The following ANO5 variants were observed in gnomAD, a reference collection of about 807,000 sequenced individuals.
The protein encoded by ANO5 is anoctamin-5.
A neutral mutation model predicts 121.0 loss-of-function variants in ANO5; 109 were observed. The ratio of observed to expected loss-of-function variants is 0.90; its 90% CI spans 0.77 to 1.06. The LOEUF (loss-of-function observed/expected upper bound fraction) is 1.06. ANO5 is among the 50% of genes least tolerant of loss of function. The pLI, the probability that ANO5 is intolerant of heterozygous loss-of-function variation, is 0.00. For missense variants in ANO5, 1,064 were observed against 1,078.5 expected (o/e 0.99, Z 0.19); for synonymous variants, 406 against 359.9 (o/e 1.13, Z -1.45).
In ANO5 at chr11:22,272,898, A is replaced by T. The variant is rs886043450; in HGVS notation, c.2144A>T (p.Gln715Leu). The change falls in exon 19 of 22, where the codon CAA becomes CTA. Residue 715 changes from glutamine to leucine, a missense_variant. Physicochemically the swap from Gln to Leu is moderately radical, Grantham distance 113. Transcript: ENST00000324559. ...IRVDAWKLTT[Q>L]YRRTVASKAH... ...GTGGATGCCTGGAAACTTACCACTC[A>T]ATACAGGAGAACTGTAGCTTCTAAA... is the stretch of plus-strand genomic sequence containing the variant. 1 of 1,614,128 alleles carries T rather than the reference A, an allele frequency of 6.2e-7. No homozygotes were observed. The highest frequency in any genetic ancestry group is 1.1e-5 in the South Asian group (1 of 91,082).
In ANO5 at chr11:22,236,240, C is replaced by T. The variant is rs1319670643; in HGVS notation, c.726C>T (p.Asn242=). The change falls in exon 8 of 22, where the codon AAC becomes AAT. Residue 242 remains asparagine (N), a synonymous_variant. Coordinates refer to ENST00000324559, the MANE Select transcript of ANO5 (RefSeq NM_213599.3). ...GGTTTGGGATTGAAAGACTGCTAAA[C>T]TCTAACACTTACTCATCTGCCTATC... ...KKRFGIERLL[N]SNTYSSAYPL... 10 of 1,613,136 alleles carry T rather than the reference C, an allele frequency of 6.2e-6. No homozygotes were observed. In the Admixed American group the frequency reaches 6.7e-5, roughly 11 times the overall value.
chr11:22,212,999 CTT>C (rs1164483116), intron 3 of ANO5, among the ~76,000 whole-genome samples: 1 of 150,990 alleles, frequency 6.6e-6, no homozygotes, highest in African/African-American at 2.4e-5. Flanking sequence ...TTGACATTGT[CTT>C]TGATTAAACA....
At chr11:22,246,465 T>G (rs994715121) in intron 9 of ANO5, among the ~76,000 whole-genome samples, 4 of 152,130 alleles carry the variant, frequency 2.6e-5, no homozygotes, top group African/African-American at 9.7e-5. Context: ...ACTGAAGGCC[T>G]GTATTGGGTT....
intron 2 of ANO5, among the ~76,000 whole-genome samples, chr11:22,204,095 A>T (rs187356018): frequency 2.0e-5 from 3 of 152,224 alleles, no homozygotes; most frequent in Non-Finnish European, 4.4e-5. Flanking sequence ...AAATAAACTC[A>T]GATATGCTGA....
At chr11:22,253,834 T>C (rs1298130610) in intron 12 of ANO5, among the ~76,000 whole-genome samples, 1 of 152,130 alleles carries the variant, frequency 6.6e-6, no homozygotes, top group East Asian at 1.9e-4. Context: ...AGGAGTTATA[T>C]GAGGTATCTA....
chr11:22,271,984 G>A (rs1854632832), intron 18 of ANO5, among the ~76,000 whole-genome samples: 1 of 152,052 alleles, frequency 6.6e-6, no homozygotes. Flanking sequence ...AGAAATATTT[G>A]AGATATATTT....
chr11:22,203,763 T>A (rs1369984826), intron 1 of ANO5, 41 bp from the exon 2 acceptor site: 5 of 1,236,644 alleles, frequency 4.0e-6, no homozygotes, highest in Non-Finnish European at 5.9e-6. Flanking sequence ...TTCTGATCAG[T>A]GGCTAATTTA....
chr11:22,264,268 A>C (rs994025760), intron 17 of ANO5, among the ~76,000 whole-genome samples: 1 of 151,744 alleles, frequency 6.6e-6, no homozygotes, highest in Non-Finnish European at 1.5e-5. Flanking sequence ...CAGGTGATCC[A>C]CCCGCCTCAG....
intron 9 of ANO5, among the ~76,000 whole-genome samples, chr11:22,249,895 T>C (rs1009455639): frequency 2.0e-5 from 3 of 152,192 alleles, no homozygotes; most frequent in Non-Finnish European, 4.4e-5. Context: ...TTCTGTAGTT[T>C]ATTTAAAAAC....
At chr11:22,234,782 C>T (rs545771922) in intron 7 of ANO5, among the ~76,000 whole-genome samples, 11 of 152,082 alleles carry the variant, frequency 7.2e-5, no homozygotes, top group Non-Finnish European at 1.3e-4. Flanking sequence ...GCCAGACACA[C>T]TTCACTTCCT....
rs1852879076 is a variant in ANO5, at chr11:22,227,460, A to G, written c.522A>G (p.Arg174=). The G allele has an allele frequency of 1.2e-6, 2 of 1,613,410 alleles. No homozygotes were observed. The highest frequency in any genetic ancestry group is 1.7e-6 in the Non-Finnish European group (2 of 1,179,726). ...TPISYVLGPV[R]LPLSVKYPHP... is the part of the protein sequence containing the mutation. Reference sequence around the variant, plus strand: ...TAAGCTATGTGCTTGGACCTGTAAGACTCCCACTGAGTGTGAAGTATCCCC... The same window carrying G: ...TAAGCTATGTGCTTGGACCTGTAAGGCTCCCACTGAGTGTGAAGTATCCCC... The change falls in exon 7 of 22, where the codon AGA becomes AGG. Residue 174 remains arginine (R), a synonymous_variant. Coordinates refer to ENST00000324559, the MANE Select transcript of ANO5 (RefSeq NM_213599.3).
At chr11:22,264,416 C>T (rs1329098988) in intron 17 of ANO5, among the ~76,000 whole-genome samples, 1 of 150,044 alleles carries the variant, frequency 6.7e-6, no homozygotes, top group Non-Finnish European at 1.5e-5. Flanking sequence ...ATGGGGGATA[C>T]ATATACACAG....
intron 1 of ANO5, among the ~76,000 whole-genome samples, chr11:22,200,764 G>A (rs975347441): frequency 6.6e-6 from 1 of 152,086 alleles, no homozygotes; most frequent in Admixed American, 6.6e-5. Flanking sequence ...AAAATAAAAT[G>A]TATAAATTTG....
chr11:22,257,122 T>A (rs1378529884), intron 13 of ANO5, among the ~76,000 whole-genome samples: 4 of 152,158 alleles, frequency 2.6e-5, no homozygotes, highest in Non-Finnish European at 5.9e-5. Context: ...ATTTTTTGCT[T>A]CTTTTGGGTA....
rs1855061418 is a variant in ANO5, at chr11:22,281,154, T to C, written c.*1389T>C. 1 of 152,054 alleles carries C rather than the reference T, an allele frequency of 6.6e-6. No individual in the cohort carries two copies. Among genetic ancestry groups the C allele is most frequent in the East Asian group, 1.9e-4 (1 of 5,204 alleles). The allele number at this position is 152,054 out of a possible 1,614,324, so 9.4% of individuals were successfully genotyped here. A position where few individuals can be genotyped will look rare whatever the true frequency, so the allele number is the denominator to read the frequency against. Reference sequence around the variant, plus strand: ...AGAGGGATATAGTCCAGTTATGTAGTATTTAAATCTCCAGTTTCAAATTAT... The same window carrying C: ...AGAGGGATATAGTCCAGTTATGTAGCATTTAAATCTCCAGTTTCAAATTAT... On this transcript the variant is annotated 3_prime_UTR_variant, in exon 22 of 22. Coordinates refer to ENST00000324559, the MANE Select transcript of ANO5 (RefSeq NM_213599.3).
At chr11:22,201,560 C>T (rs971208805) in intron 1 of ANO5, among the ~76,000 whole-genome samples, 4 of 152,024 alleles carry the variant, frequency 2.6e-5, no homozygotes, top group African/African-American at 9.7e-5. Context: ...TAACAGAATA[C>T]TACAGACTGG....
intron 2 of ANO5, among the ~76,000 whole-genome samples, chr11:22,207,531 A>G (rs1852155030): frequency 6.6e-6 from 1 of 152,160 alleles, no homozygotes; most frequent in African/African-American, 2.4e-5. Flanking sequence ...TTCAACATTG[A>G]TCATGGACTA....
At chr11:22,203,074 C>T (rs564304633) in intron 1 of ANO5, among the ~76,000 whole-genome samples, 21 of 152,082 alleles carry the variant, frequency 1.4e-4, no homozygotes, top group Middle Eastern at 6.8e-3. Flanking sequence ...CAGTTTCATT[C>T]GCCAGTTTTT....
At chr11:22,258,265 T>C (rs1216437250) in intron 14 of ANO5, among the ~76,000 whole-genome samples, 2 of 152,212 alleles carry the variant, frequency 1.3e-5, no homozygotes, top group Non-Finnish European at 2.9e-5. Flanking sequence ...GACTCACCAG[T>C]CCATAAACCC....
Sources: allele counts gnomAD v4.1 joint callset (sites outside exome capture counted in the v4.1 genomes callset), GRCh38; gene constraint gnomAD v4.1.1; transcripts MANE v1.5; gene names NCBI Gene and HGNC (gene_info 2026-07-23, HGNC 2026-07-21).